The following OR4N2 variants were observed in gnomAD, a reference collection of about 807,000 sequenced individuals.
OR4N2 encodes olfactory receptor 4N2.
For synonymous variants in OR4N2, 141 were observed against 140.4 expected (o/e 1.00, Z -0.03); for missense variants, 307 against 377.6 (o/e 0.81, Z 1.55).
At chr14:19,814,712 T>G (rs1879382813) in intron 1 of OR4N2, among the ~76,000 whole-genome samples, 1 of 152,248 alleles carries the variant, frequency 6.6e-6, no homozygotes, top group Admixed American at 6.5e-5. Flanking sequence ...GGGATACATG[T>G]GTAGAATATG....
intron 1 of OR4N2, among the ~76,000 whole-genome samples, chr14:19,824,975 G>A (rs1460016716): frequency 1.3e-5 from 2 of 152,230 alleles, no homozygotes; most frequent in Non-Finnish European, 2.9e-5. Context: ...TTCAAGCGTC[G>A]ACTGTAGAAG....
At chr14:19,824,980 T>A (rs1400749043) in intron 1 of OR4N2, among the ~76,000 whole-genome samples, 1 of 152,266 alleles carries the variant, frequency 6.6e-6, no homozygotes, top group Admixed American at 6.5e-5. Context: ...GCGTCGACTG[T>A]AGAAGGGGCT....
chr14:19,827,716 A>G lies in OR4N2; in HGVS notation c.268A>G (p.Lys90Glu). The G allele has an allele frequency of 2.5e-6, 4 of 1,614,268 alleles. No individual in the cohort carries two copies. The highest frequency in any genetic ancestry group is 3.4e-6 in the Non-Finnish European group (4 of 1,180,052). Residue 90 changes from lysine (K) to glutamate (E), a missense_variant, in exon 2 of 2, where the codon AAG (lysine) becomes GAG (glutamate). Coordinates refer to ENST00000557677, the MANE Select transcript of OR4N2 (RefSeq NM_001004723.3). ...GTTGGTGGACTTCCTCTCTGCGAAG[A>G]AGATAATCTCCTACAGAGGCTGCAT... ...RMLVDFLSAK[K>E]IISYRGCITQ...
intron 1 of OR4N2, among the ~76,000 whole-genome samples, chr14:19,824,734 T>G (rs1250722522): frequency 6.6e-6 from 1 of 152,280 alleles, no homozygotes; most frequent in Non-Finnish European, 1.5e-5. Flanking sequence ...TGAACAGTAT[T>G]TATATCTTCC....
intron 1 of OR4N2, among the ~76,000 whole-genome samples, chr14:19,819,234 C>T (rs1182063695): frequency 6.6e-6 from 1 of 152,240 alleles, no homozygotes; most frequent in East Asian, 1.9e-4. Context: ...GTTGGCCTGT[C>T]TTGCTAGGTT....
chr14:19,821,874 G>A (rs2635548), intron 1 of OR4N2: 19,705 of 149,710 alleles, frequency 0.13, 688 homozygotes, highest in South Asian at 0.24. Flanking sequence ...AAAATCTAAG[G>A]TTCCTCATGT....
rs570563173 is a variant in OR4N2, at chr14:19,816,101, G to A, written c.-9-11339G>A. 1.7e-3 allele frequency among the ~76,000 whole-genome samples: 258 copies of A among 152,312 alleles called. 1 individual carries two copies. Among genetic ancestry groups the A allele is most frequent in the Middle Eastern group, 6.8e-3 (2 of 294 alleles). ...GTACTATGCTGTTTTGGTTACTGCG[G>A]CCTTGTAGTATAGTGTGAAGTCAGG... On this transcript the variant is annotated intron_variant, in intron 1 of 1. Coordinates refer to ENST00000557677, the MANE Select transcript of OR4N2 (RefSeq NM_001004723.3).
rs144784218 is a variant in OR4N2, at chr14:19,828,018, C to T, written c.570C>T (p.Thr190=). ...CACAGGTCATCAAGCTGGCCTGCAC[C>T]GACACATTTGTGGTGGAGCTTCTGA... The part of the protein sequence containing the change: ...DVPQVIKLAC[T]DTFVVELLMV... Residue 190 remains threonine, a synonymous_variant, in exon 2 of 2, where the codon ACC becomes ACT. Transcript: ENST00000557677. The T allele has an allele frequency of 1.1e-4, 181 of 1,614,176 alleles. No individual in the cohort carries two copies. The South Asian group carries it at 1.4e-3, about 13-fold the overall frequency.
chr14:19,819,115 A>T (rs1879498990), intron 1 of OR4N2, among the ~76,000 whole-genome samples: 1 of 151,844 alleles, frequency 6.6e-6, no homozygotes, highest in Non-Finnish European at 1.5e-5. Context: ...GCTGACCTTA[A>T]CATTTTTTCC....
intron 1 of OR4N2, among the ~76,000 whole-genome samples, chr14:19,817,145 A>C (rs568437384): frequency 1.1e-4 from 16 of 152,242 alleles, no homozygotes; most frequent in African/African-American, 3.6e-4. Context: ...TATTGATCTG[A>C]AATTTTCTTT....
intron 1 of OR4N2, among the ~76,000 whole-genome samples, chr14:19,819,939 G>A (rs1461143046): frequency 2.0e-5 from 3 of 152,250 alleles, no homozygotes; most frequent in East Asian, 1.9e-4. Context: ...TAACAGTCAG[G>A]CCCCTCTGCT....
At chr14:19,819,291 G>A (rs1022984489) in intron 1 of OR4N2, among the ~76,000 whole-genome samples, 1 of 152,224 alleles carries the variant, frequency 6.6e-6, no homozygotes, top group African/African-American at 2.4e-5. Flanking sequence ...TTCCAACTTG[G>A]TTCTATTCTC....
At chr14:19,804,624 G>A (rs1391183856) in intron 1 of OR4N2, among the ~76,000 whole-genome samples, 1 of 152,186 alleles carries the variant, frequency 6.6e-6, no homozygotes, top group East Asian at 1.9e-4. Context: ...CGATTGTGTG[G>A]CTGATTTTAG....
chr14:19,822,036 GA>G (rs1879580369), intron 1 of OR4N2: 1 of 152,228 alleles, frequency 6.6e-6, no homozygotes. Context: ...AGGGACAATA[GA>G]AAAAATATTG....
intron 1 of OR4N2, among the ~76,000 whole-genome samples, chr14:19,820,211 C>A (rs7156578): frequency 1.3e-5 from 2 of 152,034 alleles, no homozygotes; most frequent in African/African-American, 2.4e-5. Context: ...AGAGTTCAAG[C>A]GCTTTGCTGG....
intron 1 of OR4N2, among the ~76,000 whole-genome samples, chr14:19,826,334 T>C (rs1354863588): frequency 1.3e-5 from 2 of 152,272 alleles, no homozygotes; most frequent in Admixed American, 6.5e-5. Flanking sequence ...ACTAACAATA[T>C]TATTTTTAGT....
At position 19,827,432 on chromosome 14, in the gene OR4N2, T is replaced by A. The variant is rs369045499; in HGVS notation, c.-9-8T>A. ...TAACAATTAATTCTGCTTCTTAATG[T>A]ACTGCAGGCCAGGGAAATGGAAAGC... On this transcript the variant is annotated splice_region_variant and splice_polypyrimidine_tract_variant and intron_variant, in intron 1 of 1. Coordinates refer to ENST00000557677, the MANE Select transcript of OR4N2 (RefSeq NM_001004723.3). The A allele has an allele frequency of 1.3e-6, 2 of 1,557,790 alleles. No homozygotes were observed. The highest frequency in any genetic ancestry group is 1.2e-5 in the South Asian group (1 of 81,372).
intron 1 of OR4N2, among the ~76,000 whole-genome samples, chr14:19,823,512 T>C (rs1333832740): frequency 3.9e-5 from 6 of 152,224 alleles, no homozygotes; most frequent in African/African-American, 1.4e-4. Flanking sequence ...CTCACTCTTG[T>C]TGGGAAAGAA....
At position 19,828,143 on chromosome 14, in the gene OR4N2, C is replaced by CA. The variant is rs567489106; in HGVS notation, c.701dup (p.Asn234LysfsTer35). 1,831 of 1,612,762 alleles carry CA rather than the reference C, an allele frequency of 1.1e-3. No individual in the cohort carries two copies. Among genetic ancestry groups the CA allele is most frequent in the South Asian group, 1.8e-3 (165 of 90,898 alleles). On this transcript the variant is annotated frameshift_variant, in exon 2 of 2. Coordinates refer to ENST00000557677, the MANE Select transcript of OR4N2 (RefSeq NM_001004723.3). LOFTEE classifies it low-confidence loss of function (END_TRUNC). Reference sequence around the variant, plus strand: ...CGCATACGAGGGTCTTCTTCTGAGGCAAAAAACAAGGCCATGTCCACGTGC... The same window carrying CA: ...CGCATACGAGGGTCTTCTTCTGAGGCAAAAAAACAAGGCCATGTCCACGTGC...
Sources: allele counts gnomAD v4.1 joint callset (sites outside exome capture counted in the v4.1 genomes callset), GRCh38; gene constraint gnomAD v4.1.1; transcripts MANE v1.5; gene names NCBI Gene and HGNC (gene_info 2026-07-23, HGNC 2026-07-21).